The following CORO1B variants were observed in gnomAD, a reference collection of about 807,000 sequenced individuals.
CORO1B encodes coronin 1B, also known as coronin-1B.
Under a neutral mutation model 51.1 loss-of-function variants are expected in CORO1B, and 30 were observed. That is an observed-to-expected ratio of 0.59 (90% CI 0.44 to 0.80). The LOEUF (loss-of-function observed/expected upper bound fraction) is 0.80, where lower values mean the gene tolerates loss of function less well. Ranked by LOEUF, CORO1B falls within the 30% of genes least tolerant of loss-of-function variation. The pLI is 0.00. For missense variants in CORO1B, 648 were observed against 700.4 expected (o/e 0.93, Z 0.84); for synonymous variants, 310 against 289.7 (o/e 1.07, Z -0.71).
chr11:67,436,081 C>T lies in CORO1B; in HGVS notation c.*2295G>A, dbSNP rs754436707. The T allele has an allele frequency of 4.8e-5, 77 of 1,611,756 alleles. No individual in the cohort carries two copies. The highest frequency in any genetic ancestry group is 6.4e-5 in the Non-Finnish European group (75 of 1,179,328). On this transcript the variant is annotated 3_prime_UTR_variant, in exon 11 of 11. Transcript: ENST00000341356. ...TGGACCCCAGCTCAGCTCGGGCCTG[C>T]AGCCAGCGACCTGGGGGGCTGGCCC...
chr11:67,436,120 C>G lies in CORO1B; in HGVS notation c.*2256G>C, dbSNP rs748341544. 5 of 1,596,302 alleles carry G rather than the reference C, an allele frequency of 3.1e-6. No homozygotes were observed. Among genetic ancestry groups the G allele is most frequent in the Non-Finnish European group, 4.3e-6 (5 of 1,171,378 alleles). On this transcript the variant is annotated 3_prime_UTR_variant, in exon 11 of 11. Coordinates refer to ENST00000341356, the MANE Select transcript of CORO1B (RefSeq NM_020441.3). The stretch of plus-strand genomic sequence containing the variant: ...GGGGGCTGGCCCAGAGCAGGCGCCG[C>G]GTGCGGCCCCACAGCGCGGCACCTA...
chr11:67,439,578 C>G (rs1864355928), intron 9 of CORO1B, among the ~76,000 whole-genome samples: 1 of 152,222 alleles, frequency 6.6e-6, no homozygotes, highest in African/African-American at 2.4e-5. Flanking sequence ...GAGCAGGGCC[C>G]CTGCTCACCC....
Position 67,437,835 on chromosome 11 carries a change from AG to A in CORO1B, c.*540del, listed in dbSNP as rs1395187675. 5 of 411,898 alleles carry A rather than the reference AG, an allele frequency of 1.2e-5. No homozygotes were observed. The highest frequency in any genetic ancestry group is 1.7e-5 in the Non-Finnish European group (4 of 237,948). 25.5% of individuals were successfully genotyped at this position (411,898 alleles called of 1,614,324 possible). ...GCTGGGCTGCCGGGCCTGTCCTCCA[AG>A]GAAGAAGCAGCACCAACTTGAAGCT... On this transcript the variant is annotated 3_prime_UTR_variant, in exon 11 of 11. Coordinates refer to ENST00000341356, the MANE Select transcript of CORO1B (RefSeq NM_020441.3).
At chr11:67,443,033 A>G (rs1023232409) in intron 1 of CORO1B, among the ~76,000 whole-genome samples, 10 of 152,172 alleles carry the variant, frequency 6.6e-5, no homozygotes, top group Non-Finnish European at 1.2e-4. Context: ...ATGGGGAAGA[A>G]GGAGAGAGGA....
upstream of CORO1B, chr11:67,443,606 G>A (rs1027597390): frequency 1.4e-6 from 1 of 713,286 alleles, no homozygotes; most frequent in Non-Finnish European, 1.7e-6. Flanking sequence ...CCGGGAGCGG[G>A]GCCGCCGGGG....
Position 67,437,411 on chromosome 11 carries a change from C to T in CORO1B, c.*965G>A, listed in dbSNP as rs964615689. Reference sequence around the variant, plus strand: ...CAGGGCTCCTGACAGGGGCCTGGTCCGGTATGGGGTGCTGGGGGCCAGGCC... The same window carrying T: ...CAGGGCTCCTGACAGGGGCCTGGTCTGGTATGGGGTGCTGGGGGCCAGGCC... On this transcript the variant is annotated 3_prime_UTR_variant, in exon 11 of 11. Coordinates refer to ENST00000341356, the MANE Select transcript of CORO1B (RefSeq NM_020441.3). 1.5e-5 allele frequency: 7 copies of T among 472,086 alleles called. No individual in the cohort carries two copies. The highest frequency in any genetic ancestry group is 7.1e-5 in the East Asian group (2 of 28,230). The allele number at this position is 472,086 out of a possible 1,614,324, so 29.2% of individuals were successfully genotyped here. A position where few individuals can be genotyped will look rare whatever the true frequency, so the allele number is the denominator to read the frequency against.
In CORO1B at chr11:67,440,390, CCGT is replaced by C; in HGVS notation, c.803_805del (p.Asn268_Gly269delinsArg). 1 of 1,613,900 alleles carries C rather than the reference CCGT, an allele frequency of 6.2e-7. No individual in the cohort carries two copies. The highest frequency in any genetic ancestry group is 8.5e-7 in the Non-Finnish European group (1 of 1,179,994). ...GGGGTCGTAGAAGGGCAGCAGGGCCCCGTTGCTCGAGTCCAGTTCCTGCAGGGC... is the reference window on the plus strand; with the variant it reads ...GGGGTCGTAGAAGGGCAGCAGGGCCCTGCTCGAGTCCAGTTCCTGCAGGGC... On this transcript the variant is annotated inframe_deletion, in exon 7 of 11. Transcript: ENST00000341356.
rs1206716239 is a variant in CORO1B, at chr11:67,438,741, T to C, written c.1274A>G (p.His425Arg). 3 of 1,545,398 alleles carry C rather than the reference T, an allele frequency of 1.9e-6. No homozygotes were observed. Among genetic ancestry groups the C allele is most frequent in the African/African-American group, 2.7e-5 (2 of 73,320 alleles). The change falls in exon 10 of 11, where the codon CAC becomes CGC. Residue 425 changes from histidine to arginine, a missense_variant. Transcript: ENST00000341356. ...SRPAMAPGSSHLGAPASTTTA... is the reference protein window; with the variant it reads ...SRPAMAPGSSRLGAPASTTTA... ...GGTGGTGGAGGCGGGGGCCCCTAGG[T>C]GGGAGGAGCCCGGGGCCATGGCGGG...
intron 4 of CORO1B, 32 bp downstream of exon 4, chr11:67,441,701 G>A (rs536237860): frequency 2.0e-5 from 29 of 1,449,386 alleles, no homozygotes; most frequent in South Asian, 3.4e-5. Flanking sequence ...GTCCGTGGGG[G>A]GGGGGAGCAC....
At chr11:67,439,942 AC>A in intron 8 of CORO1B, 99 bp from the exon 9 acceptor site, 1 of 1,392,314 alleles carries the variant, frequency 7.2e-7, no homozygotes, top group South Asian at 1.3e-5. Context: ...TCACCCCAGG[AC>A]CTCCGCAGGC....
chr11:67,440,591 C>T lies in CORO1B; in HGVS notation c.757-152G>A, dbSNP rs549782631. On this transcript the variant is annotated intron_variant, in intron 6 of 10. Transcript: ENST00000341356. The stretch of plus-strand genomic sequence containing the variant: ...CATCTCTATGCCTTTTCCCACATGA[C>T]GACCCCCACCTGGCCCTCCTGGCTT... The T allele has an allele frequency of 7.6e-4, 567 of 746,484 alleles. 9 individuals carry two copies. The highest frequency in any genetic ancestry group is 5.9e-3 in the South Asian group (396 of 67,542). 46.2% of individuals were successfully genotyped at this position (746,484 alleles called of 1,614,324 possible). A position where few individuals can be genotyped will look rare whatever the true frequency, so the allele number is the denominator to read the frequency against.
chr11:67,437,757 C>G lies in CORO1B; in HGVS notation c.*619G>C. The G allele has an allele frequency of 1.1e-6, 1 of 931,704 alleles. No homozygotes were observed. Among genetic ancestry groups the G allele is most frequent in the Non-Finnish European group, 1.4e-6 (1 of 691,586 alleles). The allele number at this position is 931,704 out of a possible 1,614,324, so 57.7% of individuals were successfully genotyped here. A position where few individuals can be genotyped will look rare whatever the true frequency, so the allele number is the denominator to read the frequency against. On this transcript the variant is annotated 3_prime_UTR_variant, in exon 11 of 11. Transcript: ENST00000341356. The stretch of plus-strand genomic sequence containing the variant: ...GCCCACATACCCCACCTGCCCCTCC[C>G]TGCTGCAGGACCCCTGGTCCACACC...
At chr11:67,441,884 C>T (rs559490630) in intron 3 of CORO1B, 22 bp from the exon 4 acceptor site, 62 of 1,613,152 alleles carry the variant, frequency 3.8e-5, no homozygotes, top group African/African-American at 1.1e-4. Context: ...ACAGGGCCAC[C>T]GAGCTCAGTC....
At position 67,436,049 on chromosome 11, in the gene CORO1B, T is replaced by C; in HGVS notation, c.*2327A>G. ...CTCATCCTCCTGTCGCTCAAGGTCATTGTCTGTGGACCCCAGCTCAGCTCG... is the reference window on the plus strand; with the variant it reads ...CTCATCCTCCTGTCGCTCAAGGTCACTGTCTGTGGACCCCAGCTCAGCTCG... On this transcript the variant is annotated 3_prime_UTR_variant, in exon 11 of 11. Coordinates refer to ENST00000341356, the MANE Select transcript of CORO1B (RefSeq NM_020441.3). 1 of 1,613,470 alleles carries C rather than the reference T, an allele frequency of 6.2e-7. No individual in the cohort carries two copies. Among genetic ancestry groups the C allele is most frequent in the Non-Finnish European group, 8.5e-7 (1 of 1,179,832 alleles).
intron 6 of CORO1B, 113 bp downstream of exon 6, chr11:67,441,012 C>T (rs749528478): frequency 6.6e-7 from 1 of 1,521,854 alleles, no homozygotes; most frequent in Admixed American, 1.7e-5. Context: ...CTGAGAGCCT[C>T]AAGTTCCAGG....
At position 67,438,312 on chromosome 11, in the gene CORO1B, C is replaced by T. The variant is rs999885051; in HGVS notation, c.*64G>A. 2.1e-5 allele frequency: 32 copies of T among 1,545,258 alleles called. No homozygotes were observed. Among genetic ancestry groups the T allele is most frequent in the East Asian group, 4.5e-5 (2 of 44,034 alleles). Reference sequence around the variant, plus strand: ...GGCAGCCAGCTAGCCCGGTGCGACCCGCTGGCAGAAGCTGAGTGGGAAGGG... The same window carrying T: ...GGCAGCCAGCTAGCCCGGTGCGACCTGCTGGCAGAAGCTGAGTGGGAAGGG... On this transcript the variant is annotated 3_prime_UTR_variant, in exon 11 of 11. Coordinates refer to ENST00000341356, the MANE Select transcript of CORO1B (RefSeq NM_020441.3).
chr11:67,441,295 C>T, intron 5 of CORO1B, 38 bp downstream of exon 5: 1 of 1,612,802 alleles, frequency 6.2e-7, no homozygotes. Flanking sequence ...AGGTCCTGGG[C>T]CTATCCACAG....
chr11:67,438,534 T>G (rs770975907), intron 10 of CORO1B, 33 bp from the exon 11 acceptor site: 34 of 1,587,048 alleles, frequency 2.1e-5, no homozygotes, highest in Non-Finnish European at 2.8e-5. Flanking sequence ...TAGGGGGCGG[T>G]GGTCAGGGGC....
intron 8 of CORO1B, 48 bp from the exon 9 acceptor site, chr11:67,439,891 C>G (rs756498675): frequency 7.9e-6 from 12 of 1,526,836 alleles, no homozygotes; most frequent in Middle Eastern, 1.8e-4. Flanking sequence ...CCGCCCCCCC[C>G]ACCCACCGCC....
Sources: gnomAD v4.1 joint callset for allele counts (sites outside exome capture counted in the v4.1 genomes callset) on GRCh38, gnomAD v4.1.1 for gene constraint, MANE v1.5 for transcripts, NCBI Gene and HGNC (gene_info 2026-07-23, HGNC 2026-07-21) for gene names.